Variants in ANKIB1 observed in about 807,000 individuals in gnomAD.
ANKIB1 encodes ankyrin repeat and IBR domain-containing protein 1.
ANKIB1 carries 43 observed loss-of-function variants against 122.1 expected under a neutral mutation model. That is an observed-to-expected ratio of 0.35 (90% CI 0.28 to 0.45). The LOEUF is 0.45. Ranked by LOEUF, ANKIB1 falls within the 20% of genes least tolerant of loss-of-function variation. The pLI, the probability that ANKIB1 is intolerant of heterozygous loss-of-function variation, is 1.00. For synonymous variants in ANKIB1, 390 were observed against 442.0 expected (o/e 0.88, Z 1.48); for missense variants, 992 against 1,329.5 (o/e 0.75, Z 3.95).
Position 92,343,058 on chromosome 7 carries a change from G to C in ANKIB1, c.822G>C (p.Met274Ile). The C allele has an allele frequency of 1.9e-6, 3 of 1,613,892 alleles. No individual in the cohort carries two copies. The East Asian group carries it at 6.7e-5, about 36-fold the overall frequency. The part of the protein sequence containing the change: ...WDREKLLEAW[M>I]SNPENCCQRS... ...GGGAGAAATTACTTGAAGCTTGGAT[G>C]TCCAACCCGGAGAACTGCTGCCAAC... Residue 274 changes from methionine (M) to isoleucine (I), a missense_variant, in exon 6 of 20, where the codon ATG becomes ATC. Coordinates refer to ENST00000265742, the MANE Select transcript of ANKIB1 (RefSeq NM_019004.2).
chr7:92,354,635 T>A (rs1803747107), intron 9 of ANKIB1, among the ~76,000 whole-genome samples: 1 of 152,214 alleles, frequency 6.6e-6, no homozygotes, highest in Admixed American at 6.5e-5. Flanking sequence ...AGGATGGATT[T>A]TTTTTGCATT....
intron 2 of ANKIB1, among the ~76,000 whole-genome samples, chr7:92,301,670 A>G (rs1802459560): frequency 6.6e-6 from 1 of 152,172 alleles, no homozygotes; most frequent in African/African-American, 2.4e-5. Context: ...ATTTTAAATG[A>G]TTAATTGATT....
At chr7:92,270,728 G>GTTTTTTT (rs397889266) in intron 1 of ANKIB1, among the ~76,000 whole-genome samples, 12 of 81,976 alleles carry the variant, frequency 1.5e-4, no homozygotes, top group Non-Finnish European at 2.3e-4. Flanking sequence ...CATCGCTATA[G>GTTTTTTT]TTTTTTTTTT....
At chr7:92,310,479 A>T (rs1802670826) in intron 3 of ANKIB1, among the ~76,000 whole-genome samples, 1 of 152,106 alleles carries the variant, frequency 6.6e-6, no homozygotes, top group Non-Finnish European at 1.5e-5. Flanking sequence ...TATTATGCAT[A>T]CTGCTAATTA....
At chr7:92,378,713 G>T (rs1804443143) in intron 11 of ANKIB1, among the ~76,000 whole-genome samples, 1 of 152,130 alleles carries the variant, frequency 6.6e-6, no homozygotes, top group South Asian at 2.1e-4. Context: ...ACAACAGAAA[G>T]AGATTAGTGA....
chr7:92,396,389 A>G lies in ANKIB1; in HGVS notation c.2308A>G (p.Arg770Gly), dbSNP rs1341392928. 6.3e-7 allele frequency: 1 copy of G among 1,591,328 alleles called. No individual in the cohort carries two copies. ...PEEYAEFQYR[R>G]RHRQRRRGDV... is the part of the protein sequence containing the mutation. ...GGAATATGCTGAATTTCAGTATCGG[A>G]GGAGGCACAGACAACGTCGTCGAGG... Residue 770 changes from arginine (R) to glycine (G), a missense_variant, in exon 18 of 20, where the codon AGG becomes GGG. By Grantham distance (125) the Arg-to-Gly change is moderately radical. Coordinates refer to ENST00000265742, the MANE Select transcript of ANKIB1 (RefSeq NM_019004.2).
At chr7:92,366,003 G>A (rs979094078) in intron 10 of ANKIB1, among the ~76,000 whole-genome samples, 7 of 151,670 alleles carry the variant, frequency 4.6e-5, no homozygotes, top group African/African-American at 1.7e-4. Flanking sequence ...CACCATGTTA[G>A]CCAGGATGGT....
At chr7:92,347,934 T>C (rs1177493100) in intron 7 of ANKIB1, 1 of 432,422 alleles carries the variant, frequency 2.3e-6, no homozygotes, top group South Asian at 1.7e-5. Flanking sequence ...TTACTTATTA[T>C]CATATTCCTA....
chr7:92,326,496 A>G (rs1490778305), intron 4 of ANKIB1, among the ~76,000 whole-genome samples: 1 of 152,216 alleles, frequency 6.6e-6, no homozygotes, highest in Non-Finnish European at 1.5e-5. Flanking sequence ...AGTTGCCACC[A>G]TTAGAAATAT....
In ANKIB1 at chr7:92,336,852, T is replaced by C. The variant is rs144917463; in HGVS notation, c.788-6172T>C. 7.2e-3 allele frequency among the ~76,000 whole-genome samples: 1,089 copies of C among 152,292 alleles called. 11 individuals are homozygous for C. The highest frequency in any genetic ancestry group is 0.025 in the African/African-American group (1,037 of 41,562). Reference sequence around the variant, plus strand: ...CTGCCTGCTTTTGGTTGCTCTCTAGTGTCCTCAGATAGTTGTGGTTTATAT... The same window carrying C: ...CTGCCTGCTTTTGGTTGCTCTCTAGCGTCCTCAGATAGTTGTGGTTTATAT... On this transcript the variant is annotated intron_variant, in intron 5 of 19. Transcript: ENST00000265742.
At chr7:92,327,704 CTA>C (rs923816965) in intron 4 of ANKIB1, 77 bp from the exon 5 acceptor site, 2 of 633,122 alleles carry the variant, frequency 3.2e-6, no homozygotes, top group African/African-American at 3.9e-5. Flanking sequence ...ATTGGACTGA[CTA>C]TATATTGTTT....
chr7:92,376,170 G>A (rs1804374624), intron 11 of ANKIB1, among the ~76,000 whole-genome samples: 1 of 152,124 alleles, frequency 6.6e-6, no homozygotes, highest in Admixed American at 6.5e-5. Flanking sequence ...TTTTCAGAAT[G>A]GTAAATGAGC....
chr7:92,397,695 G>T (rs1181446510), intron 18 of ANKIB1, 28 bp from the exon 19 acceptor site: 2 of 1,606,260 alleles, frequency 1.2e-6, no homozygotes, highest in Admixed American at 1.7e-5. Context: ...TCACTAAATT[G>T]TCTTTGGTAC....
At chr7:92,354,758 T>G (rs542340489) in intron 9 of ANKIB1, among the ~76,000 whole-genome samples, 12 of 152,308 alleles carry the variant, frequency 7.9e-5, no homozygotes, top group Non-Finnish European at 1.5e-4. Flanking sequence ...AAAATCTAAG[T>G]GGAAATTGTC....
intron 4 of ANKIB1, 46 bp from the exon 5 acceptor site, chr7:92,327,737 C>T (rs1255557797): frequency 9.8e-7 from 1 of 1,019,464 alleles, no homozygotes; most frequent in African/African-American, 1.7e-5. Flanking sequence ...TGATAACTTC[C>T]TATGAGTATA....
chr7:92,349,932 C>T (rs966808335), intron 7 of ANKIB1, among the ~76,000 whole-genome samples: 1 of 150,912 alleles, frequency 6.6e-6, no homozygotes, highest in African/African-American at 2.4e-5. Context: ...GCTACTCACT[C>T]AGGAGGCTGA....
chr7:92,288,823 C>T (rs1802190611), intron 1 of ANKIB1, among the ~76,000 whole-genome samples: 2 of 151,946 alleles, frequency 1.3e-5, no homozygotes, highest in African/African-American at 2.4e-5. Flanking sequence ...TACTACTACA[C>T]ATCCATTATA....
intron 11 of ANKIB1, 21 bp downstream of exon 11, chr7:92,371,628 T>C (rs753106409): frequency 9.5e-6 from 15 of 1,578,400 alleles, no homozygotes; most frequent in Middle Eastern, 1.7e-4. Context: ...AAAGAGGATT[T>C]TGCATGCTTT....
intron 17 of ANKIB1, among the ~76,000 whole-genome samples, chr7:92,395,664 G>A (rs1804874300): frequency 6.7e-6 from 1 of 150,318 alleles, no homozygotes; most frequent in Non-Finnish European, 1.5e-5. Context: ...TCAGCCTCTC[G>A]AGTAGCTGGG....
Sources: allele counts gnomAD v4.1 joint callset (sites outside exome capture counted in the v4.1 genomes callset), GRCh38; gene constraint gnomAD v4.1.1; transcripts MANE v1.5; gene names NCBI Gene and HGNC (gene_info 2026-07-23, HGNC 2026-07-21).